Variants in SH3RF1 observed in about 807,000 individuals in gnomAD.
The protein encoded by SH3RF1 is E3 ubiquitin-protein ligase SH3RF1.
A neutral mutation model predicts 74.0 loss-of-function variants in SH3RF1; 32 were observed. The ratio of observed to expected loss-of-function variants is 0.43; its 90% CI spans 0.33 to 0.58. SH3RF1 has a LOEUF of 0.58. Ranked by LOEUF, SH3RF1 falls within the 20% of genes least tolerant of loss-of-function variation. The pLI is 0.05. For missense variants in SH3RF1, 954 were observed against 1,130.9 expected (o/e 0.84, Z 2.24); for synonymous variants, 396 against 439.6 (o/e 0.90, Z 1.24).
At chr4:169,132,337 A>G (rs931684737) in intron 5 of SH3RF1, among the ~76,000 whole-genome samples, 3 of 152,228 alleles carry the variant, frequency 2.0e-5, no homozygotes, top group Non-Finnish European at 4.4e-5. Flanking sequence ...TGGTTTTGGG[A>G]TAAGTCCCTT....
chr4:169,248,749 G>A (rs896408611), intron 2 of SH3RF1, among the ~76,000 whole-genome samples: 1 of 152,146 alleles, frequency 6.6e-6, no homozygotes, highest in Non-Finnish European at 1.5e-5. Flanking sequence ...TCACCTGGTG[G>A]GTGTTTGTGA....
At chr4:169,247,161 G>A (rs567715741) in intron 2 of SH3RF1, among the ~76,000 whole-genome samples, 1 of 152,326 alleles carries the variant, frequency 6.6e-6, no homozygotes, top group South Asian at 2.1e-4. Flanking sequence ...CACTGAAACT[G>A]GAGATGGGGC....
At chr4:169,212,843 T>C (rs923837415) in intron 2 of SH3RF1, among the ~76,000 whole-genome samples, 1 of 152,234 alleles carries the variant, frequency 6.6e-6, no homozygotes, top group African/African-American at 2.4e-5. Context: ...AAATCCTGCG[T>C]GCTCAACTTA....
In SH3RF1 at chr4:169,130,108, G is replaced by A. The variant is rs1260599045; in HGVS notation, c.1117C>T (p.Pro373Ser). ...GTAAACGAGGGGCCAGTTGTCACTGGGCTGCTTGGGGGCGGGGTCACAATT... is the reference window on the plus strand; with the variant it reads ...GTAAACGAGGGGCCAGTTGTCACTGAGCTGCTTGGGGGCGGGGTCACAATT... ...GLIVTPPPSS[P>S]VTTGPSFTFP... The change falls in exon 6 of 12, where the codon CCA (proline) becomes TCA (serine). Residue 373 changes from proline (P) to serine (S), a missense_variant. Around this residue, in one of 3 missense-constraint regions of SH3RF1, gnomAD observed 854 missense variants for 962.5 expected, o/e 0.89. Coordinates refer to ENST00000284637, the MANE Select transcript of SH3RF1 (RefSeq NM_020870.4). 6.2e-7 allele frequency: 1 copy of A among 1,610,662 alleles called. No homozygotes were observed. The highest frequency in any genetic ancestry group is 8.5e-7 in the Non-Finnish European group (1 of 1,178,902).
chr4:169,170,854 G>T (rs1176711066), intron 2 of SH3RF1, among the ~76,000 whole-genome samples: 1 of 152,050 alleles, frequency 6.6e-6, no homozygotes, highest in Non-Finnish European at 1.5e-5. Context: ...ATGACACAAG[G>T]GTTCAGAGAT....
chr4:169,131,710 G>A (rs574855803), intron 5 of SH3RF1, among the ~76,000 whole-genome samples: 2 of 152,334 alleles, frequency 1.3e-5, no homozygotes, highest in East Asian at 1.9e-4. Flanking sequence ...CTGAACCGCA[G>A]GTGGGAAACT....
chr4:169,128,683 G>A (rs957206265), intron 6 of SH3RF1, among the ~76,000 whole-genome samples: 12 of 152,280 alleles, frequency 7.9e-5, no homozygotes, highest in Admixed American at 2.6e-4. Context: ...AAAACTAGCC[G>A]GAGCCAACAT....
chr4:169,108,353 T>C (rs1423569961), intron 10 of SH3RF1, among the ~76,000 whole-genome samples: 1 of 152,216 alleles, frequency 6.6e-6, no homozygotes, highest in Admixed American at 6.5e-5. Context: ...TAAAAACTCC[T>C]TGGGAAAATG....
intron 11 of SH3RF1, among the ~76,000 whole-genome samples, chr4:169,101,841 C>A (rs933044526): frequency 6.6e-6 from 1 of 151,954 alleles, no homozygotes; most frequent in Admixed American, 6.6e-5. Context: ...GGCTGTGTGA[C>A]CTTAACTCAA....
At chr4:169,214,463 A>G (rs1175839886) in intron 2 of SH3RF1, among the ~76,000 whole-genome samples, 2 of 152,178 alleles carry the variant, frequency 1.3e-5, no homozygotes, top group Non-Finnish European at 2.9e-5. Flanking sequence ...AACATCCACA[A>G]AACAACTTGT....
intron 2 of SH3RF1, among the ~76,000 whole-genome samples, chr4:169,231,901 TAGA>T (rs1282190557): frequency 6.6e-6 from 1 of 152,214 alleles, no homozygotes; most frequent in Admixed American, 6.5e-5. Context: ...CCTGTTATTC[TAGA>T]AGGAGAAGAA....
At chr4:169,269,679 C>T (rs1731412698) in intron 1 of SH3RF1, 1 of 153,240 alleles carries the variant, frequency 6.5e-6, no homozygotes, top group African/African-American at 2.4e-5. Flanking sequence ...CTGACAGAGG[C>T]CATTGAAAGT....
Position 169,101,550 on chromosome 4 carries a change from A to ACATGAATG in SH3RF1, c.2499-4871_2499-4864dup, listed in dbSNP as rs971257295. 6.6e-5 allele frequency among the ~76,000 whole-genome samples: 10 copies of ACATGAATG among 152,288 alleles called. No individual in the cohort carries two copies. The South Asian group carries it at 1.5e-3, about 22-fold the overall frequency. On this transcript the variant is annotated intron_variant, in intron 11 of 11. Coordinates refer to ENST00000284637, the MANE Select transcript of SH3RF1 (RefSeq NM_020870.4). ...GATAGCAGTGAATGGTTGTATGACAACATGAATGTACTCAATGCCACTGAA... is the reference window on the plus strand; with the variant it reads ...GATAGCAGTGAATGGTTGTATGACAACATGAATGCATGAATGTACTCAATGCCACTGAA...
chr4:169,263,852 G>A (rs1731314984), intron 2 of SH3RF1, among the ~76,000 whole-genome samples: 1 of 152,150 alleles, frequency 6.6e-6, no homozygotes, highest in African/African-American at 2.4e-5. Flanking sequence ...CTGTGCATCT[G>A]GTATACTGTC....
intron 2 of SH3RF1, among the ~76,000 whole-genome samples, chr4:169,257,044 CA>C (rs1455695833): frequency 6.6e-6 from 1 of 152,222 alleles, no homozygotes; most frequent in Non-Finnish European, 1.5e-5. Context: ...GTAATCCTCA[CA>C]AACTTGGAAA....
intron 4 of SH3RF1, among the ~76,000 whole-genome samples, chr4:169,151,518 C>T (rs548019005): frequency 8.0e-4 from 122 of 152,246 alleles, no homozygotes; most frequent in African/African-American, 2.9e-3. Context: ...ACTATGGCAC[C>T]AGTATGTGTT....
In SH3RF1 at chr4:169,156,420, C is replaced by G. The variant is rs1734054205; in HGVS notation, c.653G>C (p.Cys218Ser). 6.3e-7 allele frequency: 1 copy of G among 1,591,158 alleles called. No individual in the cohort carries two copies. Among genetic ancestry groups the G allele is most frequent in the Non-Finnish European group, 8.6e-7 (1 of 1,165,200 alleles). The change falls in exon 3 of 12, where the codon TGC becomes TCC. Residue 218 changes from cysteine to serine, a missense_variant. By Grantham distance (112) the Cys-to-Ser change is moderately radical (BLOSUM62 -1). This residue lies in a region of SH3RF1 where 854 missense variants were observed against 962.5 expected (regional missense o/e 0.89). Coordinates refer to ENST00000284637, the MANE Select transcript of SH3RF1 (RefSeq NM_020870.4). ...EVKDKEADKD[C>S]LPFAKDDVLT... Reference sequence around the variant, plus strand: ...TACCTTTACCTTTGCAAATGGAAGGCAATCTTTGTCTGCTTCCTTGTCTTT... The same window carrying G: ...TACCTTTACCTTTGCAAATGGAAGGGAATCTTTGTCTGCTTCCTTGTCTTT...
At position 169,242,438 on chromosome 4, in the gene SH3RF1, T is replaced by C. The variant is rs551767090; in HGVS notation, c.393+26382A>G. 2.6e-5 allele frequency among the ~76,000 whole-genome samples: 4 copies of C among 152,316 alleles called. No individual in the cohort carries two copies. The South Asian group carries it at 8.3e-4, about 32-fold the overall frequency. On this transcript the variant is annotated intron_variant, in intron 2 of 11. Coordinates refer to ENST00000284637, the MANE Select transcript of SH3RF1 (RefSeq NM_020870.4). ...ATTCATATGTCCTAATAGCTAAGAT[T>C]TGCACTTACATTTTGGATGTATTTT...
rs565075750 is a variant in SH3RF1 at position 169,157,484 on chromosome 4, AC to A, written c.394-806del. On this transcript the variant is annotated intron_variant, in intron 2 of 11. Transcript: ENST00000284637. Reference sequence around the variant, plus strand: ...GACAAGTTTAAAATTGTGTACATAAACCCCAGTGCAATTTAATCATCAACTG... The same window carrying A: ...GACAAGTTTAAAATTGTGTACATAAACCCAGTGCAATTTAATCATCAACTG... 6.6e-5 allele frequency among the ~76,000 whole-genome samples: 10 copies of A among 152,212 alleles called. No individual in the cohort carries two copies. The South Asian group carries it at 2.1e-3, about 32-fold the overall frequency.
Sources: gnomAD v4.1 joint callset for allele counts (sites outside exome capture counted in the v4.1 genomes callset) on GRCh38, gnomAD v4.1.1 for gene constraint, gnomAD v4.1.1 regional missense constraint, MANE v1.5 for transcripts, NCBI Gene and HGNC (gene_info 2026-07-23, HGNC 2026-07-21) for gene names.